ZNF37A: variants seen among roughly 807,000 people sequenced by gnomAD.
ZNF37A encodes zinc finger protein 37a (KOX 21).
Under a neutral mutation model 12.3 loss-of-function variants are expected in ZNF37A, and 10 were observed. The ratio of observed to expected loss-of-function variants is 0.82; its 90% confidence interval spans 0.50 to 1.38. The LOEUF (loss-of-function observed/expected upper bound fraction) is 1.38. Ranked by LOEUF, ZNF37A falls within the 40% of genes most tolerant of loss-of-function variation. ZNF37A has a pLI of 0.00. For synonymous variants in ZNF37A, 207 were observed against 223.0 expected (o/e 0.93, Z 0.64); for missense variants, 580 against 651.2 (o/e 0.89, Z 1.19).
rs1172888332 is a variant in ZNF37A at position 38,117,954 on chromosome 10, A to G, written c.803A>G (p.Glu268Gly). Residue 268 changes from glutamate (E) to glycine (G), a missense_variant, in exon 8 of 8, where the codon GAA becomes GGA. By Grantham distance (98) the Glu-to-Gly change is moderately conservative. Transcript: ENST00000685332. The stretch of plus-strand genomic sequence containing the variant: ...TTACAACAGAGAACACATACAGGAG[A>G]AAAACCTTATGAATGTCATGAATGT... ...LHLQQRTHTG[E>G]KPYECHECGK... The G allele has an allele frequency of 3.7e-6, 6 of 1,613,864 alleles. No individual in the cohort carries two copies. The highest frequency in any genetic ancestry group is 1.6e-4 in the Middle Eastern group (1 of 6,082).
At chr10:38,115,359 A>G in intron 7 of ZNF37A, 69 bp downstream of exon 7, 2 of 1,547,566 alleles carry the variant, frequency 1.3e-6, no homozygotes, top group Admixed American at 2.0e-5. Flanking sequence ...GGATAATAAG[A>G]CCATTGAAAT....
At chr10:38,106,421 A>G (rs2068095462) in intron 5 of ZNF37A, among the ~76,000 whole-genome samples, 1 of 152,094 alleles carries the variant, frequency 6.6e-6, no homozygotes. Flanking sequence ...AATTCCAAAA[A>G]CCAGTACACC....
At chr10:38,140,368 T>G (rs894674604) in intron 7 of ZNF37A, 1 of 152,238 alleles carries the variant, frequency 6.6e-6, no homozygotes, top group Non-Finnish European at 1.5e-5. Context: ...GACATTACTT[T>G]TCATTTTCAT....
chr10:38,119,080 C>G lies in ZNF37A; in HGVS notation c.*243C>G, dbSNP rs1375734371. ...TGAATGAATATAGGAAACATTTTGC[C>G]CAATGCCACTCTTCATTAAACATCA... On this transcript the variant is annotated 3_prime_UTR_variant, in exon 8 of 8. Transcript: ENST00000685332. The G allele has an allele frequency of 3.4e-6, 4 of 1,178,322 alleles. No homozygotes were observed. The highest frequency in any genetic ancestry group is 4.2e-6 in the Non-Finnish European group (4 of 950,988). 73.0% of individuals were successfully genotyped at this position (1,178,322 alleles called of 1,614,324 possible).
At position 38,117,797 on chromosome 10, in the gene ZNF37A, C is replaced by G. The variant is rs1229034056; in HGVS notation, c.646C>G (p.Leu216Val). The G allele has an allele frequency of 6.2e-7, 1 of 1,613,964 alleles. No individual in the cohort carries two copies. The change falls in exon 8 of 8, where the codon CTT becomes GTT. Residue 216 changes from leucine to valine, a missense_variant. Physicochemically the swap from Leu to Val is conservative, Grantham distance 32. Coordinates refer to ENST00000685332, the MANE Select transcript of ZNF37A (RefSeq NM_001324250.3). The stretch of plus-strand genomic sequence containing the variant: ...AAATATCTTTGAGGAATCCATTCTC[C>G]TTGAACATCAGAGTGTTTACCCATT... ...GENIFEESIL[L>V]EHQSVYPFSQ...
intron 5 of ZNF37A, among the ~76,000 whole-genome samples, chr10:38,108,540 A>G (rs1050284939): frequency 2.6e-5 from 4 of 152,230 alleles, no homozygotes; most frequent in African/African-American, 4.8e-5. Context: ...CAAAAAATCA[A>G]TGAATCCAGG....
intron 5 of ZNF37A, among the ~76,000 whole-genome samples, chr10:38,104,705 TTGC>T (rs963670114): frequency 2.0e-5 from 3 of 152,140 alleles, no homozygotes; most frequent in African/African-American, 7.2e-5. Context: ...TGGGTGCTTA[TTGC>T]TAAAGGTTGT....
intron 5 of ZNF37A, among the ~76,000 whole-genome samples, chr10:38,108,685 AT>A (rs1488135314): frequency 6.6e-6 from 1 of 152,240 alleles, no homozygotes; most frequent in Non-Finnish European, 1.5e-5. Context: ...ACAAACTACC[AT>A]CAGAGAATAC....
At chr10:38,137,036 T>C (rs2070116714) in intron 7 of ZNF37A, among the ~76,000 whole-genome samples, 1 of 152,234 alleles carries the variant, frequency 6.6e-6, no homozygotes, top group African/African-American at 2.4e-5. Flanking sequence ...TCAGACATCA[T>C]TTTCCTGTTT....
chr10:38,140,146 A>C (rs1256001870), intron 7 of ZNF37A: 1 of 152,250 alleles, frequency 6.6e-6, no homozygotes, highest in Non-Finnish European at 1.5e-5. Flanking sequence ...TTTGTCAAAC[A>C]CTACCAAATG....
At chr10:38,126,951 A>G (rs190978611), downstream of ZNF37A, among the ~76,000 whole-genome samples, 9 of 152,348 alleles carry the variant, frequency 5.9e-5, no homozygotes, top group African/African-American at 2.2e-4. Context: ...TATTCTGCCA[A>G]ACAGTCAACT....
chr10:38,145,181 G>A (rs933291848), intron 7 of ZNF37A, among the ~76,000 whole-genome samples: 3 of 149,832 alleles, frequency 2.0e-5, no homozygotes, highest in Non-Finnish European at 3.0e-5. Context: ...CCCATTTTCC[G>A]AAACAAAATG....
At chr10:38,133,291 T>G (rs1439388405) in intron 7 of ZNF37A, among the ~76,000 whole-genome samples, 1 of 152,192 alleles carries the variant, frequency 6.6e-6, no homozygotes, top group Non-Finnish European at 1.5e-5. Context: ...AACACAGGGC[T>G]TAATTTTGCC....
At chr10:38,098,035 T>C (rs1409629443) in intron 5 of ZNF37A, among the ~76,000 whole-genome samples, 2 of 152,172 alleles carry the variant, frequency 1.3e-5, no homozygotes. Flanking sequence ...GATATGCCTG[T>C]TTTAGATATG....
chr10:38,097,446 C>T (rs1245146801), intron 5 of ZNF37A, among the ~76,000 whole-genome samples: 1 of 151,740 alleles, frequency 6.6e-6, no homozygotes, highest in Non-Finnish European at 1.5e-5. Context: ...GGCATGTTGG[C>T]GTGCACCTGT....
In ZNF37A at chr10:38,094,393, G is replaced by T. The variant is rs2066963226; in HGVS notation, c.-589G>T. ...GCGGGAGCCGCTTCGGGCCTTCTGG[G>T]CATGTCTGCCATATGGCTCCAGGTT... On this transcript the variant is annotated 5_prime_UTR_variant, in exon 1 of 8. Coordinates refer to ENST00000685332, the MANE Select transcript of ZNF37A (RefSeq NM_001324250.3). 6.6e-6 allele frequency: 1 copy of T among 152,214 alleles called. No homozygotes were observed. The allele number at this position is 152,214 out of a possible 1,614,324, so 9.4% of individuals were successfully genotyped here. A position where few individuals can be genotyped will look rare whatever the true frequency, so the allele number is the denominator to read the frequency against.
intron 5 of ZNF37A, among the ~76,000 whole-genome samples, chr10:38,109,621 G>A (rs2068459247): frequency 6.6e-6 from 1 of 152,152 alleles, no homozygotes; most frequent in Non-Finnish European, 1.5e-5. Flanking sequence ...ATCTCCTAAA[G>A]CTGATAAGCA....
chr10:38,137,194 A>G (rs2070118418), intron 7 of ZNF37A: 1 of 151,816 alleles, frequency 6.6e-6, no homozygotes, highest in South Asian at 2.1e-4. Context: ...CCCCTTTTTT[A>G]TGCCTTCTTT....
In ZNF37A at chr10:38,120,048, T is replaced by G. The variant is rs1397433684; in HGVS notation, c.*1211T>G. ...AGTGACTTATTGTACCCAACTCTAT[T>G]TCTCTCCATACTGAAACATGTCTTT... On this transcript the variant is annotated 3_prime_UTR_variant, in exon 8 of 8. Coordinates refer to ENST00000685332, the MANE Select transcript of ZNF37A (RefSeq NM_001324250.3). 2 of 152,226 alleles carry G rather than the reference T, an allele frequency of 1.3e-5. No homozygotes were observed. The highest frequency in any genetic ancestry group is 2.9e-5 in the Non-Finnish European group (2 of 68,040). The allele number at this position is 152,226 out of a possible 1,614,324, so 9.4% of individuals were successfully genotyped here.
Sources: allele counts gnomAD v4.1 joint callset (sites outside exome capture counted in the v4.1 genomes callset), GRCh38; gene constraint gnomAD v4.1.1; transcripts MANE v1.5; gene names NCBI Gene and HGNC (gene_info 2026-07-23, HGNC 2026-07-21).